SPOPL: variants seen among roughly 807,000 people sequenced by gnomAD.
SPOPL encodes speckle type BTB/POZ protein like.
SPOPL carries 23 observed loss-of-function variants against 53.8 expected under a neutral mutation model. That is an observed-to-expected ratio of 0.43 (90% CI 0.31 to 0.61). The LOEUF is 0.61. Ranked by LOEUF, SPOPL falls within the 20% of genes least tolerant of loss-of-function variation. SPOPL has a pLI of 0.12. For synonymous variants in SPOPL, 164 were observed against 149.7 expected, an observed-to-expected ratio of 1.10 and a Z score of -0.70; for missense variants, 442 against 466.9, an observed-to-expected ratio of 0.95 and a Z score of 0.49.
chr2:138,554,752 A>G (rs1685385398), intron 5 of SPOPL, among the ~76,000 whole-genome samples: 1 of 152,252 alleles, frequency 6.6e-6, no homozygotes, highest in African/African-American at 2.4e-5. Context: ...CAGATTTTAA[A>G]TACTCAGTCT....
intron 10 of SPOPL, among the ~76,000 whole-genome samples, chr2:138,567,201 T>C (rs1685678921): frequency 6.6e-6 from 1 of 152,030 alleles, no homozygotes; most frequent in Admixed American, 6.6e-5. Context: ...AGCATACCCA[T>C]AGGAGCATAT....
At chr2:138,542,210 T>A (rs1685087163) in intron 1 of SPOPL, among the ~76,000 whole-genome samples, 1 of 152,340 alleles carries the variant, frequency 6.6e-6, no homozygotes, top group East Asian at 1.9e-4. Flanking sequence ...ATGTATGTTC[T>A]GTTGATTTGG....
intron 5 of SPOPL, among the ~76,000 whole-genome samples, chr2:138,555,245 A>G (rs7565514): frequency 0.99 from 150,201 of 152,066 alleles, 74,208 homozygotes; most frequent in Non-Finnish European, 1. Flanking sequence ...GAGTCCTCAT[A>G]ACCTAATTAC....
At chr2:138,561,497 G>A (rs1685548441) in intron 8 of SPOPL, among the ~76,000 whole-genome samples, 1 of 152,108 alleles carries the variant, frequency 6.6e-6, no homozygotes, top group African/African-American at 2.4e-5. Context: ...ACATATGCAT[G>A]TATGTATGTA....
At chr2:138,515,803 T>A (rs1359311425) in intron 1 of SPOPL, among the ~76,000 whole-genome samples, 1 of 152,220 alleles carries the variant, frequency 6.6e-6, no homozygotes, top group Non-Finnish European at 1.5e-5. Context: ...CTACATTTTA[T>A]ATGCCTAACT....
intron 1 of SPOPL, among the ~76,000 whole-genome samples, chr2:138,541,227 G>T (rs1389536868): frequency 6.6e-6 from 1 of 152,106 alleles, no homozygotes; most frequent in East Asian, 1.9e-4. Flanking sequence ...GTCTCTGCCA[G>T]GCTTTGGTAT....
At chr2:138,558,850 T>G (rs1038417489) in intron 5 of SPOPL, among the ~76,000 whole-genome samples, 172 bp from the exon 6 acceptor site, 3 of 152,322 alleles carry the variant, frequency 2.0e-5, no homozygotes, top group African/African-American at 7.2e-5. Flanking sequence ...TTTTTTCATT[T>G]CTCTCCTTTA....
intron 1 of SPOPL, among the ~76,000 whole-genome samples, chr2:138,510,566 A>G (rs1440171544): frequency 2.6e-5 from 4 of 152,176 alleles, no homozygotes; most frequent in African/African-American, 9.7e-5. Flanking sequence ...TTTGCAAATC[A>G]GATTTTGCCT....
intron 1 of SPOPL, among the ~76,000 whole-genome samples, chr2:138,544,757 A>C (rs563099205): frequency 7.2e-5 from 11 of 152,194 alleles, no homozygotes; most frequent in Admixed American, 2.6e-4. Flanking sequence ...CCACTTTCCG[A>C]CACTCCCCAG....
chr2:138,549,809 A>AC (rs1434850407), intron 1 of SPOPL, among the ~76,000 whole-genome samples: 1 of 152,128 alleles, frequency 6.6e-6, no homozygotes, highest in African/African-American at 2.4e-5. Flanking sequence ...TAAAAAGGTG[A>AC]AGGAGGATGA....
chr2:138,567,544 G>C (rs1685690792), intron 10 of SPOPL, among the ~76,000 whole-genome samples: 3 of 152,034 alleles, frequency 2.0e-5, no homozygotes, highest in African/African-American at 7.3e-5. Flanking sequence ...CAGAGTAGTA[G>C]GTGTCCAGTA....
At chr2:138,538,962 T>G (rs1366590640) in intron 1 of SPOPL, among the ~76,000 whole-genome samples, 1 of 152,164 alleles carries the variant, frequency 6.6e-6, no homozygotes, top group East Asian at 1.9e-4. Context: ...TGTGTTCTCA[T>G]TGTTCAATTT....
chr2:138,510,359 G>T (rs1421622931), intron 1 of SPOPL, among the ~76,000 whole-genome samples: 2 of 152,184 alleles, frequency 1.3e-5, no homozygotes, highest in African/African-American at 4.8e-5. Flanking sequence ...AGTTTTTGTT[G>T]TTCCATATCC....
At position 138,550,912 on chromosome 2, in the gene SPOPL, G is replaced by A. The variant is rs369405867; in HGVS notation, c.210G>A (p.Arg70=). 40 of 1,609,134 alleles carry A rather than the reference G, an allele frequency of 2.5e-5. No individual in the cohort carries two copies. The highest frequency in any genetic ancestry group is 3.1e-5 in the Non-Finnish European group (37 of 1,178,136). Residue 70 remains arginine, a synonymous_variant, in exon 4 of 11, where the codon AGG becomes AGA. Transcript: ENST00000280098. ...TATTGTTTTATTTTAGGTGCCTGAG[G>A]GTAAACCCAAAGGGATTAGATGATG... ...GPSDKMKWCL[R]VNPKGLDDES...
rs764174703 is a variant in SPOPL, at chr2:138,569,037, G to A, written c.1136G>A (p.Cys379Tyr). 51 of 1,613,820 alleles carry A rather than the reference G, an allele frequency of 3.2e-5. No individual in the cohort carries two copies. In the Admixed American group the frequency reaches 7.5e-4, roughly 24 times the overall value. The change falls in exon 11 of 11, where the codon TGT (cysteine) becomes TAT (tyrosine). Residue 379 changes from cysteine to tyrosine, a missense_variant. Transcript: ENST00000280098. ...EAFRALASAQ[C>Y]PQFGIPRKRL... ...TTTCGAGCACTAGCATCTGCACAGT[G>A]TCCACAGTTTGGCATTCCACGCAAA...
chr2:138,517,465 G>C (rs1190653751), intron 1 of SPOPL, among the ~76,000 whole-genome samples: 1 of 152,160 alleles, frequency 6.6e-6, no homozygotes, highest in African/African-American at 2.4e-5. Flanking sequence ...TTCTTGCCGG[G>C]TGCGGTGACT....
At chr2:138,557,458 G>A (rs1311105308) in intron 5 of SPOPL, among the ~76,000 whole-genome samples, 1 of 152,132 alleles carries the variant, frequency 6.6e-6, no homozygotes, top group African/African-American at 2.4e-5. Flanking sequence ...GATGTATTGG[G>A]ACTTCTAAGA....
chr2:138,552,566 C>A lies in SPOPL; in HGVS notation c.365C>A (p.Ala122Glu), dbSNP rs1347019707. The A allele has an allele frequency of 6.2e-7, 1 of 1,609,834 alleles. No homozygotes were observed. The highest frequency in any genetic ancestry group is 1.3e-5 in the African/African-American group (1 of 74,678). The change falls in exon 5 of 11, where the codon GCA becomes GAA. Residue 122 changes from alanine to glutamate, a missense_variant. Transcript: ENST00000280098. ...EETKAMESQR[A>E]YRFVQGKDWG... is the part of the protein sequence containing the mutation. Reference sequence around the variant, plus strand: ...TGTTTTCCACCAGAAAGCCAAAGAGCATATCGATTTGTGCAAGGGAAGGAC... The same window carrying A: ...TGTTTTCCACCAGAAAGCCAAAGAGAATATCGATTTGTGCAAGGGAAGGAC...
intron 1 of SPOPL, among the ~76,000 whole-genome samples, chr2:138,525,495 T>G (rs953793861): frequency 6.6e-6 from 1 of 152,076 alleles, no homozygotes; most frequent in African/African-American, 2.4e-5. Flanking sequence ...ATACTGCTTT[T>G]TTTTCCTACT....
Sources: allele counts gnomAD v4.1 joint callset (sites outside exome capture counted in the v4.1 genomes callset), GRCh38; gene constraint gnomAD v4.1.1; transcripts MANE v1.5; gene names NCBI Gene and HGNC (gene_info 2026-07-23, HGNC 2026-07-21).